GREB1: variants seen among roughly 807,000 people sequenced by gnomAD.
GREB1 encodes the protein growth regulating estrogen receptor binding 1.
GREB1 carries 106 observed loss-of-function variants against 200.7 expected under a neutral mutation model. The observed-to-expected ratio is 0.53, with a 90% CI of 0.45 to 0.62. The LOEUF (loss-of-function observed/expected upper bound fraction) is 0.62. GREB1 is among the 20% of genes least tolerant of loss of function. GREB1 has a pLI of 0.00. For missense variants in GREB1, 2,243 were observed against 2,556.8 expected (o/e 0.88, Z 2.65); for synonymous variants, 1,132 against 1,092.4 (o/e 1.04, Z -0.72).
intron 1 of GREB1, among the ~76,000 whole-genome samples, chr2:11,541,995 C>T (rs1199988353): frequency 6.6e-6 from 1 of 152,050 alleles, no homozygotes; most frequent in African/African-American, 2.4e-5. Context: ...TAGAATTTTC[C>T]ATTCCCTTCT....
At position 11,600,986 on chromosome 2, in the gene GREB1, C is replaced by T; in HGVS notation, c.2520C>T (p.Ser840=). 4 of 1,610,150 alleles carry T rather than the reference C, an allele frequency of 2.5e-6. No individual in the cohort carries two copies. Among genetic ancestry groups the T allele is most frequent in the Non-Finnish European group, 3.4e-6 (4 of 1,176,760 alleles). The change falls in exon 16 of 33, where the codon TCC becomes TCT. Residue 840 remains serine, a synonymous_variant. Transcript: ENST00000381486. ...ACAACGAGATCCACTGGCCTGCCTC[C>T]TGCAGTAATGTGAGTGCCACGGGGC... ...SPYNEIHWPA[S]CSNGVDLYHE... is the part of the protein sequence containing the mutation.
At chr2:11,509,925 C>A (rs1310866988) in intron 1 of GREB1, among the ~76,000 whole-genome samples, 1 of 152,190 alleles carries the variant, frequency 6.6e-6, no homozygotes, top group Non-Finnish European at 1.5e-5. Context: ...TGGGCTAAGA[C>A]AATTCAATTT....
chr2:11,585,387 T>C (rs1261087760), intron 8 of GREB1, 113 bp downstream of exon 8: 2 of 658,792 alleles, frequency 3.0e-6, no homozygotes, highest in Non-Finnish European at 5.1e-6. Flanking sequence ...AATGTGCGTG[T>C]GTACTGATGA....
chr2:11,493,212 A>C lies in GREB1; in HGVS notation c.-159+10831A>C, dbSNP rs1672808329. ...AAATGAGGTATGTACTGTATGCCAT[A>C]GGACTTGAACCTTGTTTATATCAAT... On this transcript the variant is annotated intron_variant, in intron 1 of 2. Transcript: ENST00000628795. The surrounding 1 kb of genome is among the most constrained non-coding windows in gnomAD (Gnocchi z 4.6). 6.6e-6 allele frequency among the ~76,000 whole-genome samples: 1 copy of C among 152,226 alleles called. No homozygotes were observed. The highest frequency in any genetic ancestry group is 2.4e-5 in the African/African-American group (1 of 41,462).
At chr2:11,489,974 CAAA>C (rs1672742946) in intron 1 of GREB1, among the ~76,000 whole-genome samples, 1 of 148,524 alleles carries the variant, frequency 6.7e-6, no homozygotes, top group African/African-American at 2.5e-5. Flanking sequence ...AGATATATAA[CAAA>C]TAATATTGTA....
intron 1 of GREB1, among the ~76,000 whole-genome samples, chr2:11,513,369 CAG>C (rs989102383): frequency 2.2e-4 from 33 of 152,274 alleles, no homozygotes; most frequent in Non-Finnish European, 3.7e-4. Flanking sequence ...ATGGGCATCT[CAG>C]GGAAGGAAGT....
chr2:11,586,294 C>G (rs1372702495), intron 9 of GREB1, among the ~76,000 whole-genome samples: 1 of 152,258 alleles, frequency 6.6e-6, no homozygotes, highest in Non-Finnish European at 1.5e-5. Context: ...GAGCTCCGCT[C>G]TGGTGGGTTG....
chr2:11,616,853 T>C lies in GREB1; in HGVS notation c.3412+133T>C. 5 of 656,772 alleles carry C rather than the reference T, an allele frequency of 7.6e-6. No individual in the cohort carries two copies. In the South Asian group the frequency reaches 8.9e-5, roughly 12 times the overall value. 40.7% of individuals were successfully genotyped at this position (656,772 alleles called of 1,614,324 possible). On this transcript the variant is annotated intron_variant, in intron 21 of 32. Coordinates refer to ENST00000381486, the MANE Select transcript of GREB1 (RefSeq NM_014668.4). ...CAGAACTGGAAAGATAAGGAAATCT[T>C]TGAAGTGCTAGACTCTCTAGAGAGT...
In GREB1 at chr2:11,626,956, G is replaced by T. The variant is rs763109866; in HGVS notation, c.4307-6G>T. 7 of 1,613,990 alleles carry T rather than the reference G, an allele frequency of 4.3e-6. No individual in the cohort carries two copies. The highest frequency in any genetic ancestry group is 3.3e-5 in the South Asian group (3 of 91,088). On this transcript the variant is annotated splice_region_variant and splice_polypyrimidine_tract_variant and intron_variant, in intron 24 of 32. Coordinates refer to ENST00000381486, the MANE Select transcript of GREB1 (RefSeq NM_014668.4). ...CTGCTTTTTAATCCTGGGGAATTTG[G>T]TGCAGACAGAGGGATGTCCCGGAAG...
chr2:11,496,277 T>C (rs969231117), intron 1 of GREB1, among the ~76,000 whole-genome samples: 5 of 152,090 alleles, frequency 3.3e-5, no homozygotes, highest in Admixed American at 3.3e-4. Flanking sequence ...ACCAACAGGG[T>C]CTTCTTTCAA....
At chr2:11,635,493 G>A (rs1572222546) in intron 30 of GREB1, 88 bp downstream of exon 30, 1 of 1,461,088 alleles carries the variant, frequency 6.8e-7, no homozygotes, top group East Asian at 2.3e-5. Flanking sequence ...ATTGAGGGAG[G>A]CCATGTCTCT....
chr2:11,525,638 C>G (rs1001071335), intron 1 of GREB1, among the ~76,000 whole-genome samples: 4 of 152,166 alleles, frequency 2.6e-5, no homozygotes, highest in Non-Finnish European at 2.9e-5. Flanking sequence ...AGAAATTCTA[C>G]CACTCTTGGT....
At position 11,625,329 on chromosome 2, in the gene GREB1, C is replaced by G; in HGVS notation, c.4306+17C>G. The G allele has an allele frequency of 1.2e-6, 2 of 1,612,230 alleles. No homozygotes were observed. The highest frequency in any genetic ancestry group is 1.7e-6 in the Non-Finnish European group (2 of 1,178,412). On this transcript the variant is annotated intron_variant, in intron 24 of 32. Coordinates refer to ENST00000381486, the MANE Select transcript of GREB1 (RefSeq NM_014668.4). ...AGAGTGAAGGTCAGACTTTGAATCT[C>G]TCGTTTCACCTTCCAGAGTGCATGG...
chr2:11,614,459 G>T (rs1215661803), intron 19 of GREB1, among the ~76,000 whole-genome samples: 6 of 151,988 alleles, frequency 3.9e-5, no homozygotes, highest in Non-Finnish European at 5.9e-5. Context: ...CCATCTTTCA[G>T]ATGAAAAAAT....
At chr2:11,630,253 C>T in intron 26 of GREB1, 144 bp downstream of exon 26, 2 of 696,116 alleles carry the variant, frequency 2.9e-6, no homozygotes, top group South Asian at 2.0e-5. Context: ...CGCGCACGGG[C>T]TCTGGAGTCA....
At chr2:11,568,715 G>T (rs375399011) in intron 4 of GREB1, among the ~76,000 whole-genome samples, 12 of 152,224 alleles carry the variant, frequency 7.9e-5, no homozygotes, top group Admixed American at 1.3e-4. Context: ...CTGTTGGCCC[G>T]CAGAGAGGAG....
chr2:11,482,971 C>T (rs1672541816), intron 1 of GREB1, among the ~76,000 whole-genome samples: 2 of 151,122 alleles, frequency 1.3e-5, no homozygotes, highest in South Asian at 4.1e-4. Context: ...GAGGTAGGAG[C>T]GGTCCCTCCG....
chr2:11,496,132 C>A (rs1052496775), intron 1 of GREB1, among the ~76,000 whole-genome samples: 1 of 152,182 alleles, frequency 6.6e-6, no homozygotes, highest in African/African-American at 2.4e-5. Flanking sequence ...TTGAGTCTAG[C>A]AGATGCGTCA....
At chr2:11,558,207 G>A (rs962489361) in intron 2 of GREB1, among the ~76,000 whole-genome samples, 2 of 152,218 alleles carry the variant, frequency 1.3e-5, no homozygotes, top group East Asian at 3.9e-4. Flanking sequence ...GAGATAAAAA[G>A]GGGACAGACA....
Sources: gnomAD v4.1 joint callset for allele counts (sites outside exome capture counted in the v4.1 genomes callset) on GRCh38, gnomAD v4.1.1 for gene constraint, Gnocchi (gnomAD v3.1) non-coding constraint, MANE v1.5 for transcripts, NCBI Gene and HGNC (gene_info 2026-07-23, HGNC 2026-07-21) for gene names.